The following ITCH variants were observed in gnomAD, a reference collection of about 807,000 sequenced individuals.
ITCH encodes the protein itchy E3 ubiquitin protein ligase, also known as E3 ubiquitin-protein ligase Itchy homolog.
A neutral mutation model predicts 126.8 loss-of-function variants in ITCH; 28 were observed. The observed-to-expected ratio is 0.22, with a 90% confidence interval of 0.16 to 0.30. The LOEUF is 0.30. Ranked by LOEUF, ITCH falls within the 10% of genes least tolerant of loss-of-function variation. The pLI is 1.00. For synonymous variants in ITCH, 342 were observed against 340.0 expected, an observed-to-expected ratio of 1.01 and a Z score of -0.06; for missense variants, 631 against 1,032.4, an observed-to-expected ratio of 0.61 and a Z score of 5.33.
chr20:34,464,452 G>A (rs902034197), intron 14 of ITCH, among the ~76,000 whole-genome samples: 3 of 151,442 alleles, frequency 2.0e-5, no homozygotes, highest in African/African-American at 4.9e-5. Context: ...TCAGCCTCCC[G>A]AGTCGCTGGG....
intron 10 of ITCH, among the ~76,000 whole-genome samples, chr20:34,444,507 T>TGAGAGGCAGAGGTTGCG (rs1438649786): frequency 6.6e-6 from 1 of 152,012 alleles, no homozygotes; most frequent in Non-Finnish European, 1.5e-5. Context: ...CGCTTGAACC[T>TGAGAGGCAGAGGTTGCG]GAGAGGCAGA....
chr20:34,458,780 G>A (rs1169660008), intron 13 of ITCH, among the ~76,000 whole-genome samples: 1 of 152,138 alleles, frequency 6.6e-6, no homozygotes, highest in Non-Finnish European at 1.5e-5. Flanking sequence ...TGTTTATAAG[G>A]ACGTCAGTCC....
At chr20:34,372,748 T>G (rs2037688951) in intron 2 of ITCH, among the ~76,000 whole-genome samples, 1 of 152,062 alleles carries the variant, frequency 6.6e-6, no homozygotes, top group Non-Finnish European at 1.5e-5. Context: ...AAGTTTAAGT[T>G]TGTAATATTT....
At chr20:34,473,287 T>C (rs1271594190) in intron 16 of ITCH, among the ~76,000 whole-genome samples, 2 of 152,150 alleles carry the variant, frequency 1.3e-5, no homozygotes, top group Non-Finnish European at 2.9e-5. Context: ...TTCCTTCATA[T>C]TAGACATTTG....
At chr20:34,376,271 G>C (rs1187464087) in intron 2 of ITCH, among the ~76,000 whole-genome samples, 1 of 151,804 alleles carries the variant, frequency 6.6e-6, no homozygotes, top group African/African-American at 2.4e-5. Context: ...CTACAAAAAA[G>C]CCTCATAAAA....
intron 18 of ITCH, 62 bp downstream of exon 18, chr20:34,479,851 G>A (rs979610656): frequency 7.0e-7 from 1 of 1,430,634 alleles, no homozygotes; most frequent in Non-Finnish European, 9.8e-7. Flanking sequence ...TTTTCTCTTA[G>A]GTGCCATAAC....
intron 12 of ITCH, among the ~76,000 whole-genome samples, chr20:34,452,879 A>G (rs974372202): frequency 2.0e-5 from 3 of 152,230 alleles, no homozygotes; most frequent in African/African-American, 7.2e-5. Flanking sequence ...ACTATAGAGG[A>G]TAAAGAACAA....
intron 16 of ITCH, among the ~76,000 whole-genome samples, chr20:34,477,360 G>A (rs531190427): frequency 4.2e-4 from 64 of 152,100 alleles, no homozygotes; most frequent in Admixed American, 3.8e-3. Context: ...GCAAAACCCC[G>A]TCTCTACTAA....
chr20:34,381,234 A>T (rs144374798), intron 2 of ITCH, among the ~76,000 whole-genome samples: 14 of 151,998 alleles, frequency 9.2e-5, no homozygotes, highest in African/African-American at 1.7e-4. Context: ...ACAAAACGAA[A>T]CAAAACAAAA....
intron 6 of ITCH, among the ~76,000 whole-genome samples, chr20:34,424,220 T>C (rs1981178325): frequency 6.6e-6 from 1 of 152,210 alleles, no homozygotes; most frequent in East Asian, 1.9e-4. Context: ...GGAATAGTAG[T>C]GCATGAGTAA....
chr20:34,482,081 A>G (rs1321324542), intron 20 of ITCH, among the ~76,000 whole-genome samples: 2 of 152,212 alleles, frequency 1.3e-5, no homozygotes, highest in Non-Finnish European at 2.9e-5. Flanking sequence ...TGCAAACAGC[A>G]GGGGAAAGAC....
At chr20:34,493,752 C>T (rs2146524216) in intron 23 of ITCH, among the ~76,000 whole-genome samples, 1 of 152,250 alleles carries the variant, frequency 6.6e-6, no homozygotes, top group South Asian at 2.1e-4. Flanking sequence ...AAGTAGAAAA[C>T]CCCAGGGAAG....
In ITCH at chr20:34,471,453, A is replaced by G; in HGVS notation, c.1507A>G (p.Met503Val). 1 of 1,602,060 alleles carries G rather than the reference A, an allele frequency of 6.2e-7. No individual in the cohort carries two copies. The change falls in exon 16 of 25, where the codon ATG (methionine) becomes GTG (valine). Residue 503 changes from methionine to valine, a missense_variant. Around this residue, in one of 4 missense-constraint regions of ITCH, gnomAD observed 390 missense variants for 731.6 expected, o/e 0.53. Coordinates refer to ENST00000374864, the MANE Select transcript of ITCH (RefSeq NM_031483.7). ...YFRFWCQQLA[M>V]PQHIKITVTR... ...CATTCTTCTATTTCAGCAACTGGCC[A>G]TGCCACAGCACATAAAGATTACAGT...
At chr20:34,373,085 C>T (rs1213046151) in intron 2 of ITCH, among the ~76,000 whole-genome samples, 6 of 151,796 alleles carry the variant, frequency 4.0e-5, no homozygotes, top group Non-Finnish European at 5.9e-5. Context: ...AGCGATTCTC[C>T]TGCCTGAGTC....
chr20:34,480,992 G>A, intron 19 of ITCH, 74 bp from the exon 20 acceptor site: 2 of 1,408,894 alleles, frequency 1.4e-6, no homozygotes, highest in Non-Finnish European at 2.0e-6. Context: ...AAGAACATGG[G>A]CCTTTCGTTA....
intron 3 of ITCH, chr20:34,402,394 A>G: frequency 1.3e-6 from 1 of 788,714 alleles, no homozygotes; most frequent in Non-Finnish European, 2.3e-6. Context: ...AACAAGCAAC[A>G]AAGGAGTCTT....
intron 12 of ITCH, among the ~76,000 whole-genome samples, chr20:34,449,737 A>G (rs1984961121): frequency 6.6e-6 from 1 of 152,090 alleles, no homozygotes. Context: ...GATACTGATC[A>G]CCCAGCAATA....
chr20:34,398,118 A>G (rs2038740256), intron 3 of ITCH, among the ~76,000 whole-genome samples: 1 of 151,798 alleles, frequency 6.6e-6, no homozygotes, highest in South Asian at 2.1e-4. Flanking sequence ...GCTGGTGTGC[A>G]GCAGCGTGAT....
At chr20:34,478,039 T>C in intron 17 of ITCH, 179 bp downstream of exon 17, 1 of 730,690 alleles carries the variant, frequency 1.4e-6, no homozygotes, top group South Asian at 1.9e-5. Context: ...CAGCACTTTC[T>C]ATGTCATGTA....
Sources: allele counts gnomAD v4.1 joint callset (sites outside exome capture counted in the v4.1 genomes callset), GRCh38; gene constraint gnomAD v4.1.1; regional missense constraint gnomAD v4.1.1; transcripts MANE v1.5; gene names NCBI Gene and HGNC (gene_info 2026-07-23, HGNC 2026-07-21).